Variants in TNFAIP8 observed in about 807,000 individuals in gnomAD.
TNFAIP8 encodes the protein tumor necrosis factor alpha-induced protein 8.
TNFAIP8 carries 7 observed loss-of-function variants against 13.3 expected under a neutral mutation model. The observed-to-expected ratio is 0.52, with a 90% CI of 0.30 to 0.99. The LOEUF (loss-of-function observed/expected upper bound fraction) is 0.99, where lower values mean the gene tolerates loss of function less well. Among genes scored for constraint, TNFAIP8 ranks in the 50% least tolerant of loss-of-function variants. The pLI is 0.07. For synonymous variants in TNFAIP8, 94 were observed against 87.6 expected (o/e 1.07, Z -0.41); for missense variants, 258 against 236.9 (o/e 1.09, Z -0.58).
chr5:119,307,711 C>T (rs1478494538), intron 1 of TNFAIP8, among the ~76,000 whole-genome samples: 1 of 152,176 alleles, frequency 6.6e-6, no homozygotes, highest in African/African-American at 2.4e-5. Context: ...AATTGTGCAT[C>T]TTACAACCAA....
intron 1 of TNFAIP8, among the ~76,000 whole-genome samples, chr5:119,295,702 T>G (rs533602640): frequency 2.0e-5 from 3 of 152,340 alleles, no homozygotes; most frequent in Admixed American, 2.0e-4. Context: ...TGGCATTGAA[T>G]CTATAAATTA....
upstream of TNFAIP8, among the ~76,000 whole-genome samples, chr5:119,353,813 A>C (rs1751274937): frequency 6.6e-6 from 1 of 152,212 alleles, no homozygotes; most frequent in African/African-American, 2.4e-5. Flanking sequence ...AAAAGAAGAG[A>C]GTGAAAGTAA....
intron 1 of TNFAIP8, among the ~76,000 whole-genome samples, chr5:119,291,990 A>G (rs1271104831): frequency 1.3e-5 from 2 of 152,168 alleles, no homozygotes; most frequent in Non-Finnish European, 2.9e-5. Flanking sequence ...ATTTGCAGAG[A>G]GGAGAAGTGA....
At chr5:119,371,703 G>A (rs550669291) in intron 1 of TNFAIP8, among the ~76,000 whole-genome samples, 22 of 152,250 alleles carry the variant, frequency 1.4e-4, no homozygotes, top group African/African-American at 5.3e-4. Flanking sequence ...ATTTTCCTAA[G>A]ATACTTTCTG....
chr5:119,305,586 A>C (rs1030276803), intron 1 of TNFAIP8, among the ~76,000 whole-genome samples: 3 of 152,224 alleles, frequency 2.0e-5, no homozygotes, highest in Admixed American at 6.5e-5. Context: ...GCCTGGCAAC[A>C]CAGTGAGATC....
At chr5:119,358,985 C>G (rs1317202821) in intron 1 of TNFAIP8, among the ~76,000 whole-genome samples, 1 of 152,162 alleles carries the variant, frequency 6.6e-6, no homozygotes, top group Non-Finnish European at 1.5e-5. Context: ...TCACCCAGTT[C>G]TTACTCTCAT....
At chr5:119,364,832 T>C (rs2112796705) in intron 1 of TNFAIP8, among the ~76,000 whole-genome samples, 1 of 150,152 alleles carries the variant, frequency 6.7e-6, no homozygotes, top group East Asian at 2.0e-4. Flanking sequence ...TTCCCCTTTT[T>C]TCTTTTCAGT....
intron 1 of TNFAIP8, among the ~76,000 whole-genome samples, chr5:119,382,719 G>A (rs1752532008): frequency 6.6e-6 from 1 of 152,146 alleles, no homozygotes; most frequent in South Asian, 2.1e-4. Context: ...ATTTGCTCCA[G>A]GCACATGAGC....
At chr5:119,296,015 G>C (rs1250196458) in intron 1 of TNFAIP8, among the ~76,000 whole-genome samples, 181 of 150,208 alleles carry the variant, frequency 1.2e-3, no homozygotes, top group Non-Finnish European at 1.9e-3. Context: ...ATCAGCTTAA[G>C]GAGATTTTGG....
upstream of TNFAIP8, among the ~76,000 whole-genome samples, chr5:119,351,066 C>T (rs190688033): frequency 1.3e-5 from 2 of 150,494 alleles, no homozygotes; most frequent in East Asian, 3.9e-4. Context: ...CTCTGTTGCC[C>T]AGGCTGGAAT....
At chr5:119,365,870 A>G (rs904251437) in intron 1 of TNFAIP8, among the ~76,000 whole-genome samples, 4 of 152,336 alleles carry the variant, frequency 2.6e-5, no homozygotes, top group East Asian at 1.9e-4. Context: ...GTTTTCCAAG[A>G]GGTAGACAGA....
chr5:119,360,728 C>G (rs1369262820), intron 1 of TNFAIP8, among the ~76,000 whole-genome samples: 3 of 152,086 alleles, frequency 2.0e-5, no homozygotes, highest in African/African-American at 4.8e-5. Flanking sequence ...TGTATGCACT[C>G]TCCTTGAAGT....
upstream of TNFAIP8, chr5:119,355,787 A>C (rs1751376357): frequency 9.4e-6 from 4 of 426,232 alleles, no homozygotes; most frequent in African/African-American, 2.2e-5. Context: ...CCTGTGCCCC[A>C]CCTGCGTGCG....
At chr5:119,350,952 T>TTGTGTGTGTGTGTGTGTGTGTGTG (rs35633858) in intron 1 of TNFAIP8, among the ~76,000 whole-genome samples, 20 of 144,688 alleles carry the variant, frequency 1.4e-4, no homozygotes, top group East Asian at 2.1e-4. Flanking sequence ...CTATGTGTAT[T>TTGTGTGTGTGTGTGTGTGTGTGTG]TGTGTGTGTG....
intron 1 of TNFAIP8, among the ~76,000 whole-genome samples, chr5:119,390,079 G>A (rs2112862401): frequency 6.6e-6 from 1 of 152,238 alleles, no homozygotes; most frequent in East Asian, 1.9e-4. Context: ...GGATAAAGGA[G>A]AAATCTTATG....
At chr5:119,305,471 T>A (rs2112659834) in intron 1 of TNFAIP8, among the ~76,000 whole-genome samples, 1 of 152,352 alleles carries the variant, frequency 6.6e-6, no homozygotes, top group Non-Finnish European at 1.5e-5. Context: ...GGTGTACACC[T>A]GTAGTCCCAG....
chr5:119,286,588 C>T (rs1025498651), intron 1 of TNFAIP8, among the ~76,000 whole-genome samples: 1 of 149,992 alleles, frequency 6.7e-6, no homozygotes, highest in Non-Finnish European at 1.5e-5. Context: ...AGCCCCTGTG[C>T]TCCAGCCAGG....
chr5:119,375,148 T>C (rs1752234930), intron 1 of TNFAIP8, among the ~76,000 whole-genome samples: 1 of 152,210 alleles, frequency 6.6e-6, no homozygotes, highest in African/African-American at 2.4e-5. Context: ...AATGGAGGAA[T>C]TGCTATTTGC....
At chr5:119,313,587 G>T (rs6595183) in intron 1 of TNFAIP8, among the ~76,000 whole-genome samples, 55,359 of 152,050 alleles carry the variant, frequency 0.36, 12,748 homozygotes, top group African/African-American at 0.67. Flanking sequence ...TTTAGTACTT[G>T]CCAAAATATG....
Sources: allele counts gnomAD v4.1 joint callset (sites outside exome capture counted in the v4.1 genomes callset), GRCh38; gene constraint gnomAD v4.1.1; transcripts MANE v1.5; gene names NCBI Gene and HGNC (gene_info 2026-07-23, HGNC 2026-07-21).